The following RPS19BP1 variants were observed in gnomAD, a reference collection of about 807,000 sequenced individuals.
RPS19BP1 encodes active regulator of SIRT1.
In RPS19BP1, 14 loss-of-function variants were observed where a neutral mutation model predicts 16.6. The observed-to-expected ratio is 0.84, with a 90% CI of 0.56 to 1.32. The LOEUF is 1.32. RPS19BP1 is among the 40% of genes most tolerant of loss of function. The probability of loss-of-function intolerance (pLI) is 0.00; values close to 1 mark genes in which losing one functional copy is unlikely to be tolerated. For synonymous variants in RPS19BP1, 90 were observed against 77.3 expected, an observed-to-expected ratio of 1.16 and a Z score of -0.86; for missense variants, 188 against 178.6, an observed-to-expected ratio of 1.05 and a Z score of -0.30.
Position 39,529,243 on chromosome 22 carries a change from T to C in RPS19BP1, c.*249A>G. 1 of 550,190 alleles carries C rather than the reference T, an allele frequency of 1.8e-6. No individual in the cohort carries two copies. The highest frequency in any genetic ancestry group is 3.2e-6 in the Non-Finnish European group (1 of 310,640). 34.1% of individuals were successfully genotyped at this position (550,190 alleles called of 1,614,324 possible). ...AAAGCAAACAAAACAGATACGTTCC[T>C]TTCCGGCAGGTGCAGATGCTCTGCC... On this transcript the variant is annotated 3_prime_UTR_variant, in exon 4 of 4. Transcript: ENST00000334678.
At chr22:39,531,173 T>G (rs1931301900) in intron 2 of RPS19BP1, 1 of 152,244 alleles carries the variant, frequency 6.6e-6, no homozygotes, top group Non-Finnish European at 1.5e-5. Context: ...TTTAGGAGCT[T>G]CCATCCAACA....
Position 39,529,925 on chromosome 22 carries a change from T to C in RPS19BP1, c.182-8A>G, listed in dbSNP as rs547028418. 5 of 1,611,162 alleles carry C rather than the reference T, an allele frequency of 3.1e-6. No individual in the cohort carries two copies. In the Admixed American group the frequency reaches 6.7e-5, roughly 21 times the overall value. On this transcript the variant is annotated splice_region_variant and splice_polypyrimidine_tract_variant and intron_variant, in intron 2 of 3. Transcript: ENST00000334678. ...CTCGCTTCCGGTACTCGTCTGTGGG[T>C]AGCAGGCAGGGAGCACCATTTCAGA...
chr22:39,529,389 T>A lies in RPS19BP1; in HGVS notation c.*103A>T, dbSNP rs779052495. ...CGGCTTCCTCGAGCCAGGCTGGTCC[T>A]GCATCGCCATCTGCTGGCCGCGCGG... On this transcript the variant is annotated 3_prime_UTR_variant, in exon 4 of 4. Transcript: ENST00000334678. 1 of 1,490,756 alleles carries A rather than the reference T, an allele frequency of 6.7e-7. No individual in the cohort carries two copies. The highest frequency in any genetic ancestry group is 1.2e-5 in the South Asian group (1 of 83,826). The allele number at this position is 1,490,756 out of a possible 1,614,324, so 92.3% of individuals were successfully genotyped here.
chr22:39,532,190 C>G (rs371126764), intron 2 of RPS19BP1: 23 of 614,708 alleles, frequency 3.7e-5, no homozygotes, highest in Non-Finnish European at 6.2e-5. Context: ...TGATGCTTCT[C>G]TCCCCACTAG....
chr22:39,529,435 A>T lies in RPS19BP1; in HGVS notation c.*57T>A, dbSNP rs1340607800. 6.2e-7 allele frequency: 1 copy of T among 1,602,176 alleles called. No individual in the cohort carries two copies. The highest frequency in any genetic ancestry group is 8.5e-7 in the Non-Finnish European group (1 of 1,174,602). ...CGCGGCACGGCCGGTTCCTGGAGCC[A>T]GCAGGAGTCGGAGGCTGCAGGGCTT... On this transcript the variant is annotated 3_prime_UTR_variant, in exon 4 of 4. Transcript: ENST00000334678.
chr22:39,530,465 T>C lies in RPS19BP1; in HGVS notation c.182-548A>G, dbSNP rs141803174. On this transcript the variant is annotated intron_variant, in intron 2 of 3. Coordinates refer to ENST00000334678, the MANE Select transcript of RPS19BP1 (RefSeq NM_194326.4). ...ATGGCTGGGTGCGGTGGCTCACACC[T>C]GTAATCTCAGCACTTTGGGAGGCCG... The C allele has an allele frequency of 4.8e-4, 123 of 254,312 alleles. 2 individuals are homozygous for C. In the East Asian group the frequency reaches 0.018, roughly 37 times the overall value. The allele number at this position is 254,312 out of a possible 1,614,324, so 15.8% of individuals were successfully genotyped here. A position where few individuals can be genotyped will look rare whatever the true frequency, so the allele number is the denominator to read the frequency against.
intron 2 of RPS19BP1, 127 bp downstream of exon 2, chr22:39,532,268 C>T: frequency 1.4e-6 from 2 of 1,396,798 alleles, no homozygotes; most frequent in Non-Finnish European, 2.0e-6. Flanking sequence ...GGCCCCGCTC[C>T]GCGCCTGGCA....
Position 39,532,523 on chromosome 22 carries a change from G to C in RPS19BP1, c.53C>G (p.Ala18Gly), listed in dbSNP as rs574941733. The change falls in exon 2 of 4, where the codon GCC (alanine) becomes GGC (glycine). Residue 18 changes from alanine (A) to glycine (G), a missense_variant and splice_region_variant. By Grantham distance (60) the Ala-to-Gly change is moderately conservative. Coordinates refer to ENST00000334678, the MANE Select transcript of RPS19BP1 (RefSeq NM_194326.4). ...GGCCTGACCTGGAGGGTCCCGGGGGGCTGTAGGGGAAGAGAGAGGAAGAGA... is the reference window on the plus strand; with the variant it reads ...GGCCTGACCTGGAGGGTCCCGGGGGCCTGTAGGGGAAGAGAGAGGAAGAGA... ...RGLELLAASE[A>G]PRDPPGQAKP... 6.2e-7 allele frequency: 1 copy of C among 1,613,786 alleles called. No individual in the cohort carries two copies. The highest frequency in any genetic ancestry group is 8.5e-7 in the Non-Finnish European group (1 of 1,179,956).
At chr22:39,532,580 C>T (rs944697665) in intron 1 of RPS19BP1, 57 bp from the exon 2 acceptor site, 28 of 1,610,818 alleles carry the variant, frequency 1.7e-5, no homozygotes, top group Admixed American at 1.7e-4. Flanking sequence ...CGTTCCCATG[C>T]CACTGGGGCT....
rs2053894972 is a variant in RPS19BP1, at chr22:39,532,526, G to C, written c.53-3C>G. 1 of 1,613,788 alleles carries C rather than the reference G, an allele frequency of 6.2e-7. No individual in the cohort carries two copies. The highest frequency in any genetic ancestry group is 8.5e-7 in the Non-Finnish European group (1 of 1,179,962). ...CTGACCTGGAGGGTCCCGGGGGGCT[G>C]TAGGGGAAGAGAGAGGAAGAGACCC... On this transcript the variant is annotated splice_polypyrimidine_tract_variant and splice_region_variant and intron_variant, in intron 1 of 3. Coordinates refer to ENST00000334678, the MANE Select transcript of RPS19BP1 (RefSeq NM_194326.4).
intron 2 of RPS19BP1, 170 bp from the exon 3 acceptor site, chr22:39,530,087 C>G (rs989572471): frequency 2.6e-5 from 16 of 621,040 alleles, no homozygotes; most frequent in Non-Finnish European, 4.3e-5. Flanking sequence ...GCTGAAAGCC[C>G]CAGGCTCTTG....
At chr22:39,530,840 C>T (rs1980121310) in intron 2 of RPS19BP1, 2 of 152,702 alleles carry the variant, frequency 1.3e-5, no homozygotes, top group African/African-American at 4.8e-5. Context: ...TAGCCCTTGT[C>T]AGGCACCCTA....
chr22:39,529,380 G>T lies in RPS19BP1; in HGVS notation c.*112C>A. ...TCAGCTCCGCGGCTTCCTCGAGCCAGGCTGGTCCTGCATCGCCATCTGCTG... is the reference window on the plus strand; with the variant it reads ...TCAGCTCCGCGGCTTCCTCGAGCCATGCTGGTCCTGCATCGCCATCTGCTG... On this transcript the variant is annotated 3_prime_UTR_variant, in exon 4 of 4. Transcript: ENST00000334678. The T allele has an allele frequency of 6.9e-7, 1 of 1,439,824 alleles. No individual in the cohort carries two copies. Among genetic ancestry groups the T allele is most frequent in the Non-Finnish European group, 9.5e-7 (1 of 1,058,100 alleles). The allele number at this position is 1,439,824 out of a possible 1,614,324, so 89.2% of individuals were successfully genotyped here.
At chr22:39,530,013 C>T (rs996468483) in intron 2 of RPS19BP1, 96 bp from the exon 3 acceptor site, 3 of 973,908 alleles carry the variant, frequency 3.1e-6, no homozygotes, top group African/African-American at 1.6e-5. Flanking sequence ...CCTCATCGTT[C>T]CCTTCCCAGG....
At chr22:39,531,995 C>G in intron 2 of RPS19BP1, 1 of 205,938 alleles carries the variant, frequency 4.9e-6, no homozygotes, top group East Asian at 1.7e-4. Context: ...TTTGCACATA[C>G]TATTCTTCCT....
intron 2 of RPS19BP1, 35 bp from the exon 3 acceptor site, chr22:39,529,952 T>G: frequency 6.5e-7 from 1 of 1,540,960 alleles, no homozygotes; most frequent in South Asian, 1.1e-5. Flanking sequence ...CATTTCAGAT[T>G]CACTCCCCCT....
Position 39,532,443 on chromosome 22 carries a change from G to A in RPS19BP1, c.133C>T (p.Gln45Ter), listed in dbSNP as rs1931338793. The A allele has an allele frequency of 1.9e-6, 3 of 1,614,232 alleles. No individual in the cohort carries two copies. The highest frequency in any genetic ancestry group is 2.5e-6 in the Non-Finnish European group (3 of 1,180,038). The change falls in exon 2 of 4, where the codon CAG becomes TAG. Residue 45 changes from glutamine to a stop codon, truncating the protein, a stop_gained. Coordinates refer to ENST00000334678, the MANE Select transcript of RPS19BP1 (RefSeq NM_194326.4). LOFTEE classifies it high-confidence loss of function. The stretch of plus-strand genomic sequence containing the variant: ...CCCTTGGCCGAGTTCCGCAGTTTCT[G>A]GGCCTGAATTGCCTTCGTCTTCCGG... Reference protein sequence around the residue: ...RPRKTKAIQAQKLRNSAKGKV... With the variant: ...RPRKTKAIQA
In RPS19BP1 at chr22:39,529,903, G is replaced by A. The variant is rs758388775; in HGVS notation, c.196C>T (p.Arg66Ter). Residue 66 changes from arginine to a stop codon, truncating the protein, a stop_gained, in exon 3 of 4, where the codon CGA (arginine) becomes TGA (stop). Transcript: ENST00000334678. LOFTEE classifies it high-confidence loss of function. The part of the protein sequence containing the change: ...PKSALDEYRK[R>*]ECRDHLRVNL... ...ACTCTGAGGTGGTCTCGACACTCTC[G>A]CTTCCGGTACTCGTCTGTGGGTAGC... 1.1e-5 allele frequency: 18 copies of A among 1,613,952 alleles called. No homozygotes were observed. The highest frequency in any genetic ancestry group is 1.1e-4 in the East Asian group (5 of 44,894).
chr22:39,532,582 A>T (rs1196280922), intron 1 of RPS19BP1, 59 bp from the exon 2 acceptor site: 2 of 1,610,742 alleles, frequency 1.2e-6, no homozygotes, highest in Non-Finnish European at 1.7e-6. Flanking sequence ...TTCCCATGCC[A>T]CTGGGGCTAA....
Sources: allele counts gnomAD v4.1 joint callset, GRCh38; gene constraint gnomAD v4.1.1; transcripts MANE v1.5; gene names NCBI Gene and HGNC (gene_info 2026-07-23, HGNC 2026-07-21).